Variants in FAM193A observed in about 807,000 individuals in gnomAD.
The protein encoded by FAM193A is family with sequence similarity 193 member A, also known as protein FAM193A.
In FAM193A, 22 loss-of-function variants were observed where a neutral mutation model predicts 126.5. The observed-to-expected ratio is 0.17, with a 90% confidence interval of 0.12 to 0.25. The LOEUF (loss-of-function observed/expected upper bound fraction) is 0.25, where lower values mean the gene tolerates loss of function less well. FAM193A is among the 10% of genes least tolerant of loss of function. The pLI is 1.00. For missense variants in FAM193A, 1,675 were observed against 1,672.8 expected (o/e 1.00, Z -0.02); for synonymous variants, 761 against 646.8 (o/e 1.18, Z -2.68).
chr4:2,546,750 T>C (rs1183197945), intron 1 of FAM193A, among the ~76,000 whole-genome samples: 3 of 152,176 alleles, frequency 2.0e-5, no homozygotes, highest in Non-Finnish European at 4.4e-5. Flanking sequence ...AGGATTTTTG[T>C]GTGAAAGTAA....
chr4:2,701,716 T>C (rs1717751544), intron 19 of FAM193A, among the ~76,000 whole-genome samples: 1 of 152,186 alleles, frequency 6.6e-6, no homozygotes. Flanking sequence ...ATTCACCGAC[T>C]AGTTGTAGCA....
At chr4:2,582,629 T>G (rs1740016617) in intron 1 of FAM193A, among the ~76,000 whole-genome samples, 1 of 152,212 alleles carries the variant, frequency 6.6e-6, no homozygotes, top group Non-Finnish European at 1.5e-5. Flanking sequence ...GCTTCTTGGA[T>G]CTGCAGTTTG....
chr4:2,629,322 G>T (rs1287662978), intron 4 of FAM193A, among the ~76,000 whole-genome samples: 1 of 151,968 alleles, frequency 6.6e-6, no homozygotes, highest in Non-Finnish European at 1.5e-5. Flanking sequence ...TTGACCTTCT[G>T]TGGCTTTATT....
In FAM193A at chr4:2,693,749, A is replaced by G. The variant is rs760952270; in HGVS notation, c.2967A>G (p.Ala989=). Residue 989 remains alanine, a synonymous_variant, in exon 16 of 21, where the codon GCA becomes GCG. Transcript: ENST00000637812. The part of the protein sequence containing the change: ...PASTPHLANL[A]APSFPKTATT... ...CCACACCTCACCTTGCAAATCTTGC[A>G]GCCCCATCATTCCCCAAAACAGCAA... 91 of 1,614,062 alleles carry G rather than the reference A, an allele frequency of 5.6e-5. No homozygotes were observed. Among genetic ancestry groups the G allele is most frequent in the Non-Finnish European group, 7.7e-5 (91 of 1,180,038 alleles).
intron 1 of FAM193A, among the ~76,000 whole-genome samples, chr4:2,578,463 C>T (rs923788422): frequency 4.6e-5 from 7 of 151,438 alleles, no homozygotes; most frequent in Admixed American, 6.6e-5. Context: ...TTTTTTTTCC[C>T]CCCTCAATCT....
chr4:2,722,998 G>A (rs1376027368), intron 20 of FAM193A, among the ~76,000 whole-genome samples: 1 of 152,194 alleles, frequency 6.6e-6, no homozygotes, highest in Non-Finnish European at 1.5e-5. Flanking sequence ...TTTAGGCCGG[G>A]CGCAGTGGCT....
intron 1 of FAM193A, among the ~76,000 whole-genome samples, chr4:2,554,370 C>T (rs1738131240): frequency 6.6e-6 from 1 of 152,128 alleles, no homozygotes; most frequent in Admixed American, 6.6e-5. Flanking sequence ...GTCTTGAAAC[C>T]ACCGTGTCCG....
chr4:2,562,875 G>A (rs768254822), intron 1 of FAM193A, among the ~76,000 whole-genome samples: 8 of 151,588 alleles, frequency 5.3e-5, no homozygotes, highest in African/African-American at 1.7e-4. Context: ...TGATCTGCTC[G>A]CCTTGGCCTT....
At chr4:2,567,072 C>T (rs1467355948) in intron 1 of FAM193A, among the ~76,000 whole-genome samples, 8 of 151,602 alleles carry the variant, frequency 5.3e-5, no homozygotes, top group South Asian at 4.2e-4. Context: ...CCCGAGTAGC[C>T]GGGACTACAG....
At chr4:2,678,826 A>C (rs935855774) in intron 13 of FAM193A, among the ~76,000 whole-genome samples, 1 of 152,164 alleles carries the variant, frequency 6.6e-6, no homozygotes, top group Non-Finnish European at 1.5e-5. Context: ...TTTTTGTGGA[A>C]TCTTTGGAGT....
At chr4:2,715,963 C>T (rs2295499) in intron 19 of FAM193A, 60 bp from the exon 20 acceptor site, 413,078 of 935,456 alleles carry the variant, frequency 0.44, 93,525 homozygotes, top group Admixed American at 0.64. Context: ...TGATTTCTTC[C>T]GTTCTGATAA....
At chr4:2,600,639 CT>C (rs1414615963) in intron 2 of FAM193A, among the ~76,000 whole-genome samples, 9 of 152,188 alleles carry the variant, frequency 5.9e-5, no homozygotes, top group African/African-American at 2.2e-4. Context: ...AACACCTCCC[CT>C]GTATCACCCC....
At chr4:2,727,927 TAAA>T (rs57124845) in intron 20 of FAM193A, among the ~76,000 whole-genome samples, 1 of 145,618 alleles carries the variant, frequency 6.9e-6, no homozygotes, top group African/African-American at 2.5e-5. Flanking sequence ...CCTAGCTAAT[TAAA>T]AAAAAAAAAA....
intron 6 of FAM193A, among the ~76,000 whole-genome samples, chr4:2,640,516 G>A: frequency 6.6e-6 from 1 of 152,200 alleles, no homozygotes; most frequent in East Asian, 1.9e-4. Context: ...ACGTTACTCA[G>A]CAGAACGCTG....
intron 2 of FAM193A, among the ~76,000 whole-genome samples, chr4:2,599,962 C>G (rs1343189891): frequency 6.6e-6 from 1 of 151,094 alleles, no homozygotes; most frequent in African/African-American, 2.4e-5. Context: ...TGCAGTGGTG[C>G]GATGTTGGCT....
rs575175400 is a variant in FAM193A, at chr4:2,640,864, C to T, written c.1163+1005C>T. The stretch of plus-strand genomic sequence containing the variant: ...CCTGTGATCCTGGCTACTTGGGAGT[C>T]TGAGGCAAGAGAATTGCTTGAACCC... On this transcript the variant is annotated intron_variant, in intron 6 of 20. Transcript: ENST00000637812. Among the ~76,000 whole-genome samples the T allele has an allele frequency of 8.6e-5, 13 of 151,630 alleles. No homozygotes were observed. The South Asian group carries it at 2.7e-3, about 32-fold the overall frequency.
At chr4:2,708,326 T>C in intron 19 of FAM193A, 1 of 281,858 alleles carries the variant, frequency 3.5e-6, no homozygotes, top group Non-Finnish European at 7.2e-6. Flanking sequence ...AGTTTCACCA[T>C]GTTGGTCAAG....
intron 2 of FAM193A, among the ~76,000 whole-genome samples, chr4:2,607,631 A>C (rs778456617): frequency 1.2e-4 from 19 of 152,188 alleles, no homozygotes; most frequent in Admixed American, 3.9e-4. Flanking sequence ...CTAATTCTTC[A>C]TTATAGCTTT....
At chr4:2,598,429 T>C (rs1740996026) in intron 2 of FAM193A, among the ~76,000 whole-genome samples, 1 of 152,240 alleles carries the variant, frequency 6.6e-6, no homozygotes, top group Non-Finnish European at 1.5e-5. Flanking sequence ...ATTATTTTTC[T>C]TCTGTGGACA....
Sources: allele counts gnomAD v4.1 joint callset (sites outside exome capture counted in the v4.1 genomes callset), GRCh38; gene constraint gnomAD v4.1.1; transcripts MANE v1.5; gene names NCBI Gene and HGNC (gene_info 2026-07-23, HGNC 2026-07-21).